The following PIP4K2A variants were observed in gnomAD, a reference collection of about 807,000 sequenced individuals.
PIP4K2A encodes phosphatidylinositol-5-phosphate 4-kinase type 2 alpha.
Under a neutral mutation model 42.9 loss-of-function variants are expected in PIP4K2A, and 14 were observed. That is an observed-to-expected ratio of 0.33 (90% CI 0.22 to 0.51). The LOEUF (loss-of-function observed/expected upper bound fraction) is 0.51, where lower values mean the gene tolerates loss of function less well. Ranked by LOEUF, PIP4K2A falls within the 20% of genes least tolerant of loss-of-function variation. The pLI, the probability that PIP4K2A is intolerant of heterozygous loss-of-function variation, is 0.97. For synonymous variants in PIP4K2A, 192 were observed against 192.2 expected (o/e 1.00, Z 0.01); for missense variants, 434 against 519.8 (o/e 0.83, Z 1.61).
intron 5 of PIP4K2A, among the ~76,000 whole-genome samples, chr10:22,572,569 C>T (rs1044759580): frequency 1.6e-4 from 25 of 151,560 alleles, no homozygotes; most frequent in Admixed American, 1.3e-3. Context: ...TGAGCCACTG[C>T]GCTCCAGACT....
chr10:22,626,768 T>TC (rs1271133222), intron 1 of PIP4K2A, among the ~76,000 whole-genome samples: 1 of 152,218 alleles, frequency 6.6e-6, no homozygotes, highest in Non-Finnish European at 1.5e-5. Flanking sequence ...CAGGATATTT[T>TC]CATCTATATT....
chr10:22,634,981 C>T (rs1223531494), intron 1 of PIP4K2A, among the ~76,000 whole-genome samples: 1 of 152,022 alleles, frequency 6.6e-6, no homozygotes, highest in Non-Finnish European at 1.5e-5. Flanking sequence ...TAATCTACAT[C>T]TTTTAGAGAT....
chr10:22,646,423 C>T (rs1304304612), intron 1 of PIP4K2A, among the ~76,000 whole-genome samples: 1 of 152,160 alleles, frequency 6.6e-6, no homozygotes, highest in Non-Finnish European at 1.5e-5. Context: ...ACAGCTCTGA[C>T]AGCTCATTTC....
chr10:22,550,409 G>T (rs921578256), intron 7 of PIP4K2A, among the ~76,000 whole-genome samples: 1 of 152,220 alleles, frequency 6.6e-6, no homozygotes. Context: ...TGGGACCGGG[G>T]ATTCCCAGCG....
intron 1 of PIP4K2A, among the ~76,000 whole-genome samples, chr10:22,657,827 A>C (rs1409683205): frequency 1.3e-5 from 2 of 152,244 alleles, no homozygotes; most frequent in Non-Finnish European, 2.9e-5. Flanking sequence ...GTAAATAAGA[A>C]CACTGTTATT....
chr10:22,714,169 A>T lies in PIP4K2A; in HGVS notation c.144+14T>A, dbSNP rs1833966817. 1 of 1,599,698 alleles carries T rather than the reference A, an allele frequency of 6.3e-7. No individual in the cohort carries two copies. The highest frequency in any genetic ancestry group is 1.4e-5 in the African/African-American group (1 of 73,928). On this transcript the variant is annotated intron_variant, in intron 1 of 9. Transcript: ENST00000376573. ...GAGGAGGAAGGGGACCGCGCGCCGC[A>T]GCTGAGCCCTTACCGAGTGGTTTAC...
intron 1 of PIP4K2A, among the ~76,000 whole-genome samples, chr10:22,703,440 A>C (rs894188339): frequency 6.6e-6 from 1 of 152,216 alleles, no homozygotes. Flanking sequence ...AAAGAGGGAA[A>C]AACATTCCCG....
At chr10:22,628,265 C>G (rs913347970) in intron 1 of PIP4K2A, among the ~76,000 whole-genome samples, 5 of 152,154 alleles carry the variant, frequency 3.3e-5, no homozygotes, top group African/African-American at 1.2e-4. Flanking sequence ...TTCCACCAGC[C>G]AAGCAATTTT....
chr10:22,572,905 T>C (rs1349765199), intron 5 of PIP4K2A, among the ~76,000 whole-genome samples: 2 of 150,222 alleles, frequency 1.3e-5, no homozygotes, highest in Non-Finnish European at 2.9e-5. Context: ...GACAGGACTA[T>C]TTAAAACCCT....
At chr10:22,656,392 A>G (rs1272327725) in intron 1 of PIP4K2A, among the ~76,000 whole-genome samples, 1 of 152,206 alleles carries the variant, frequency 6.6e-6, no homozygotes, top group Non-Finnish European at 1.5e-5. Context: ...GTATGACCCA[A>G]TTTGGGGTAA....
At chr10:22,610,955 C>T (rs1838021368) in intron 1 of PIP4K2A, among the ~76,000 whole-genome samples, 1 of 152,036 alleles carries the variant, frequency 6.6e-6, no homozygotes, top group African/African-American at 2.4e-5. Context: ...TTAATATTTT[C>T]AAGACTTTAG....
At chr10:22,632,270 T>G (rs1267374232) in intron 1 of PIP4K2A, among the ~76,000 whole-genome samples, 1 of 152,206 alleles carries the variant, frequency 6.6e-6, no homozygotes, top group African/African-American at 2.4e-5. Context: ...GTATCAGTGT[T>G]AGTTTCCTCA....
intron 9 of PIP4K2A, among the ~76,000 whole-genome samples, chr10:22,537,586 C>T (rs930945515): frequency 1.1e-4 from 17 of 152,172 alleles, no homozygotes; most frequent in African/African-American, 3.9e-4. Context: ...TGGGATGTTA[C>T]TATCAAAGAG....
At chr10:22,633,816 A>G (rs117366217) in intron 1 of PIP4K2A, among the ~76,000 whole-genome samples, 2,021 of 152,310 alleles carry the variant, frequency 0.013, 19 homozygotes, top group Non-Finnish European at 0.021. Flanking sequence ...GCAACTGGGC[A>G]TAAGCAAGCG....
At chr10:22,561,494 T>C (rs755206997) in intron 6 of PIP4K2A, among the ~76,000 whole-genome samples, 8 of 150,862 alleles carry the variant, frequency 5.3e-5, no homozygotes, top group Non-Finnish European at 7.4e-5. Flanking sequence ...ATGACTCATA[T>C]GAAAGAAAAC....
At chr10:22,675,643 C>T (rs937179928) in intron 1 of PIP4K2A, among the ~76,000 whole-genome samples, 1 of 152,048 alleles carries the variant, frequency 6.6e-6, no homozygotes, top group Non-Finnish European at 1.5e-5. Flanking sequence ...TAAGAAATGT[C>T]AATAAACAAG....
intron 4 of PIP4K2A, among the ~76,000 whole-genome samples, chr10:22,575,943 A>T (rs887410746): frequency 6.6e-6 from 1 of 152,126 alleles, no homozygotes; most frequent in African/African-American, 2.4e-5. Flanking sequence ...ATCTCAAAAA[A>T]AAAACAAAAA....
intron 6 of PIP4K2A, among the ~76,000 whole-genome samples, chr10:22,565,174 C>G (rs527936122): frequency 2.0e-5 from 3 of 152,170 alleles, no homozygotes; most frequent in Non-Finnish European, 2.9e-5. Context: ...CACCCACTTT[C>G]CTGTCTCTGC....
At chr10:22,541,750 G>A in intron 8 of PIP4K2A, 54 bp downstream of exon 8, 1 of 1,495,028 alleles carries the variant, frequency 6.7e-7, no homozygotes, top group Non-Finnish European at 8.9e-7. Flanking sequence ...TAGATAACAA[G>A]GCCAAAGTCA....
Sources: gnomAD v4.1 joint callset for allele counts (sites outside exome capture counted in the v4.1 genomes callset) on GRCh38, gnomAD v4.1.1 for gene constraint, MANE v1.5 for transcripts, NCBI Gene and HGNC (gene_info 2026-07-23, HGNC 2026-07-21) for gene names.